KLF8: variants seen among roughly 807,000 people sequenced by gnomAD.
KLF8 encodes Krueppel-like factor 8.
Under a neutral mutation model 18.2 loss-of-function variants are expected in KLF8, and 10 were observed. The ratio of observed to expected loss-of-function variants is 0.55; its 90% CI spans 0.34 to 0.93. The LOEUF (loss-of-function observed/expected upper bound fraction) is 0.93, where lower values mean the gene tolerates loss of function less well. Ranked by LOEUF, KLF8 falls within the 40% of genes least tolerant of loss-of-function variation. The probability of loss-of-function intolerance (pLI) is 0.02; values close to 1 mark genes in which losing one functional copy is unlikely to be tolerated. For missense variants in KLF8, 264 were observed against 277.9 expected (o/e 0.95, Z 0.36); for synonymous variants, 109 against 97.3 (o/e 1.12, Z -0.71).
the KLF8 span, among the ~76,000 whole-genome samples, chrX:56,055,846 G>T: frequency 9.0e-6 from 1 of 110,618 alleles, no homozygotes; most frequent in Non-Finnish European, 1.9e-5. Context: ...CCTCCACTTG[G>T]TCTATTTTCC....
At chrX:56,190,464 C>T in the KLF8 span, among the ~76,000 whole-genome samples, 1 of 111,769 alleles carries the variant, frequency 8.9e-6, no homozygotes, top group South Asian at 3.7e-4. Flanking sequence ...TTAATCTGCA[C>T]TATAGATCAC....
the KLF8 span, among the ~76,000 whole-genome samples, chrX:55,917,652 C>T: frequency 9.0e-6 from 1 of 111,324 alleles, no homozygotes; most frequent in Admixed American, 9.5e-5. Flanking sequence ...ACTCACTCTT[C>T]TGCTAGCAGG....
chrX:55,921,664 A>C, the KLF8 span, among the ~76,000 whole-genome samples: 1 of 112,289 alleles, frequency 8.9e-6, no homozygotes, highest in Admixed American at 9.4e-5. Context: ...AGAAACTCTC[A>C]TCAGAGTGAA....
chrX:56,201,361 G>T, the KLF8 span, among the ~76,000 whole-genome samples: 1 of 111,941 alleles, frequency 8.9e-6, no homozygotes, highest in East Asian at 2.8e-4. Context: ...ACCAGGCAAA[G>T]AAAGACAAGC....
At chrX:56,183,336 G>T in the KLF8 span, among the ~76,000 whole-genome samples, 2 of 112,044 alleles carry the variant, frequency 1.8e-5, no homozygotes, top group Non-Finnish European at 3.8e-5. Flanking sequence ...GTATTAGGGT[G>T]GGAGTTTCCT....
intron 5 of KLF8, among the ~76,000 whole-genome samples, chrX:56,274,654 C>T (rs1188798935): frequency 8.9e-6 from 1 of 111,916 alleles, no homozygotes; most frequent in Non-Finnish European, 1.9e-5. Flanking sequence ...AGACATAAGC[C>T]TTTAATCCAT....
the KLF8 span, among the ~76,000 whole-genome samples, chrX:56,051,006 C>T: frequency 6.2e-3 from 674 of 109,496 alleles, 1 homozygote; most frequent in Admixed American, 9.9e-3. Context: ...TGAATTGATC[C>T]CTTTACCATT....
chrX:55,967,964 A>C, the KLF8 span, among the ~76,000 whole-genome samples: 6 of 111,588 alleles, frequency 5.4e-5, no homozygotes, highest in African/African-American at 9.8e-5. Context: ...GTTTAAAATA[A>C]TGGATTTTAA....
the KLF8 span, among the ~76,000 whole-genome samples, chrX:56,116,422 T>C: frequency 1.8e-5 from 2 of 111,152 alleles, no homozygotes; most frequent in Non-Finnish European, 3.8e-5. Flanking sequence ...CTGAAGTCTT[T>C]TCACCCTGGT....
chrX:55,926,188 A>G, the KLF8 span, among the ~76,000 whole-genome samples: 1 of 111,612 alleles, frequency 9.0e-6, no homozygotes, highest in Non-Finnish European at 1.9e-5. Flanking sequence ...AAGCTGTAAA[A>G]AGTATTTTGC....
chrX:55,989,202 C>A, the KLF8 span, among the ~76,000 whole-genome samples: 1 of 111,829 alleles, frequency 8.9e-6, no homozygotes, highest in East Asian at 2.8e-4. Context: ...ATTTCCTTCT[C>A]CTGCCTGATT....
At chrX:55,980,744 G>A in the KLF8 span, among the ~76,000 whole-genome samples, 1 of 111,830 alleles carries the variant, frequency 8.9e-6, no homozygotes, top group African/African-American at 3.3e-5. Flanking sequence ...GCCCTAAAAG[G>A]AGGCATTATG....
At chrX:55,992,260 C>T in the KLF8 span, among the ~76,000 whole-genome samples, 1 of 112,038 alleles carries the variant, frequency 8.9e-6, no homozygotes, top group Non-Finnish European at 1.9e-5. Flanking sequence ...TAATTCACAT[C>T]GAGTTTATTT....
At chrX:55,992,584 C>CT in the KLF8 span, among the ~76,000 whole-genome samples, 367 of 111,762 alleles carry the variant, frequency 3.3e-3, 4 homozygotes, top group African/African-American at 0.012. Flanking sequence ...ATTTGGGATA[C>CT]TTTTTTGTTC....
chrX:56,112,967 C>T, the KLF8 span, among the ~76,000 whole-genome samples: 3 of 110,974 alleles, frequency 2.7e-5, no homozygotes, highest in African/African-American at 9.9e-5. Context: ...AATCCTAGCA[C>T]TTTGGGAGGC....
the KLF8 span, among the ~76,000 whole-genome samples, chrX:56,208,618 C>G: frequency 9.9e-4 from 110 of 110,978 alleles, no homozygotes; most frequent in African/African-American, 3.5e-3. Context: ...GTAAACTTCC[C>G]TATTATACTG....
At chrX:55,966,911 G>A in the KLF8 span, among the ~76,000 whole-genome samples, 4 of 111,748 alleles carry the variant, frequency 3.6e-5, no homozygotes, top group Admixed American at 9.5e-5. Context: ...AATTCTATCC[G>A]ATAAATTTAA....
At chrX:56,270,397 AGAGG>A in intron 5 of KLF8, 76 bp downstream of exon 5, 3 of 993,194 alleles carry the variant, frequency 3.0e-6, no homozygotes. Flanking sequence ...AGAGAGAGAG[AGAGG>A]GGCAGAGAGA....
the KLF8 span, among the ~76,000 whole-genome samples, chrX:56,217,059 G>T: frequency 8.9e-6 from 1 of 112,024 alleles, no homozygotes; most frequent in South Asian, 3.7e-4. Context: ...CCTTAATGTT[G>T]CTCAGAATCT....
Sources: allele counts gnomAD v4.1 joint callset (sites outside exome capture counted in the v4.1 genomes callset), GRCh38; gene constraint gnomAD v4.1.1; transcripts MANE v1.5; gene names NCBI Gene and HGNC (gene_info 2026-07-23, HGNC 2026-07-21).